CREM: variants seen among roughly 807,000 people sequenced by gnomAD.
The protein encoded by CREM is cAMP-responsive element modulator.
Under a neutral mutation model 37.3 loss-of-function variants are expected in CREM, and 13 were observed. The ratio of observed to expected loss-of-function variants is 0.35; its 90% CI spans 0.23 to 0.55. The LOEUF is 0.55. Among genes scored for constraint, CREM ranks in the 20% least tolerant of loss-of-function variants. The pLI is 0.88. For missense variants in CREM, 296 were observed against 362.3 expected (o/e 0.82, Z 1.49); for synonymous variants, 124 against 120.2 (o/e 1.03, Z -0.21).
chr10:35,145,799 A>T (rs1051162617), intron 2 of CREM, among the ~76,000 whole-genome samples: 47 of 151,170 alleles, frequency 3.1e-4, no homozygotes, highest in African/African-American at 1.1e-3. Context: ...AAAAAAAAAA[A>T]GAAATTACTT....
chr10:35,201,213 T>C (rs2095372948), intron 6 of CREM, among the ~76,000 whole-genome samples: 1 of 152,172 alleles, frequency 6.6e-6, no homozygotes, highest in Non-Finnish European at 1.5e-5. Context: ...ATTCCCTGGG[T>C]TTGTCAGAAG....
intron 6 of CREM, among the ~76,000 whole-genome samples, chr10:35,189,697 G>C (rs2133789022): frequency 6.6e-6 from 1 of 152,174 alleles, no homozygotes; most frequent in Non-Finnish European, 1.5e-5. Flanking sequence ...TTGTATTTTA[G>C]TAGAGACGGG....
chr10:35,203,363 C>T (rs148707264), intron 6 of CREM, among the ~76,000 whole-genome samples: 418 of 152,262 alleles, frequency 2.7e-3, no homozygotes, highest in Non-Finnish European at 4.6e-3. Flanking sequence ...TCATTGTTCA[C>T]CTGTGACTAT....
intron 3 of CREM, among the ~76,000 whole-genome samples, chr10:35,155,681 T>G (rs772001890): frequency 7.3e-5 from 11 of 151,664 alleles, no homozygotes; most frequent in Non-Finnish European, 1.5e-4. Context: ...TAGGCTGGAG[T>G]GCAGTGGCAC....
chr10:35,127,287 T>G (rs1278795153), intron 1 of CREM, 94 bp downstream of exon 1: 1 of 151,670 alleles, frequency 6.6e-6, no homozygotes, highest in Non-Finnish European at 1.5e-5. Context: ...CGGAGCCGGG[T>G]GCGGTGGAGC....
chr10:35,201,564 A>AG, intron 6 of CREM: 2 of 1,539,276 alleles, frequency 1.3e-6, no homozygotes. Context: ...AAGCTTGCAA[A>AG]GAGAGATATG....
In CREM at chr10:35,151,759, C is replaced by T. The variant is rs182483499; in HGVS notation, c.168+3268C>T. ...AGAGATTAAGAAGTAATCTGTATGCCGACTTATGGATTATTTTAGTTAACT... is the reference window on the plus strand; with the variant it reads ...AGAGATTAAGAAGTAATCTGTATGCTGACTTATGGATTATTTTAGTTAACT... On this transcript the variant is annotated intron_variant, in intron 3 of 7. Coordinates refer to ENST00000685392, the MANE Select transcript of CREM (RefSeq NM_183011.2). Among the ~76,000 whole-genome samples, 11 of 152,154 alleles carry T rather than the reference C, an allele frequency of 7.2e-5. No homozygotes were observed. In the East Asian group the frequency reaches 1.5e-3, roughly 21 times the overall value.
chr10:35,193,624 T>C (rs2095013538), intron 6 of CREM, among the ~76,000 whole-genome samples: 1 of 152,178 alleles, frequency 6.6e-6, no homozygotes, highest in South Asian at 2.1e-4. Flanking sequence ...ATTGAAACCC[T>C]AACCCCATTG....
intron 3 of CREM, among the ~76,000 whole-genome samples, chr10:35,161,363 C>T (rs2136391640): frequency 6.6e-6 from 1 of 151,962 alleles, no homozygotes; most frequent in East Asian, 2.0e-4. Context: ...GATGTGGTGG[C>T]AGGCGCCTGT....
Position 35,134,133 on chromosome 10 carries a change from G to T in CREM, c.-54-3649G>T, listed in dbSNP as rs542100635. ...GCTATCTCGGCTCACTGCAATTTCCGCCTCCTGAGTTCAAGTGATTCTCTT... is the reference window on the plus strand; with the variant it reads ...GCTATCTCGGCTCACTGCAATTTCCTCCTCCTGAGTTCAAGTGATTCTCTT... On this transcript the variant is annotated intron_variant, in intron 1 of 7. Transcript: ENST00000685392. 9.4e-5 allele frequency among the ~76,000 whole-genome samples: 14 copies of T among 148,500 alleles called. No individual in the cohort carries two copies. In the South Asian group the frequency reaches 1.3e-3, roughly 13 times the overall value.
In CREM at chr10:35,193,583, T is replaced by G. The variant is rs957665964; in HGVS notation, c.598+5195T>G. ...TTGATGTCTAGGTGACCATCCAGGGTTCCTTACTCAGCCAAGATATCTTCA... is the reference window on the plus strand; with the variant it reads ...TTGATGTCTAGGTGACCATCCAGGGGTCCTTACTCAGCCAAGATATCTTCA... On this transcript the variant is annotated intron_variant, in intron 6 of 7. Transcript: ENST00000685392. Among the ~76,000 whole-genome samples the G allele has an allele frequency of 3.3e-5, 5 of 152,180 alleles. No homozygotes were observed. In the South Asian group the frequency reaches 1.0e-3, roughly 32 times the overall value.
At chr10:35,157,133 A>G (rs2092963188) in intron 3 of CREM, among the ~76,000 whole-genome samples, 1 of 152,240 alleles carries the variant, frequency 6.6e-6, no homozygotes, top group South Asian at 2.1e-4. Flanking sequence ...AACAGAATGA[A>G]GGAAAAAGAC....
intron 3 of CREM, among the ~76,000 whole-genome samples, chr10:35,166,216 T>G (rs1232509803): frequency 6.6e-6 from 1 of 152,112 alleles, no homozygotes; most frequent in Non-Finnish European, 1.5e-5. Context: ...AGGTAAAATT[T>G]AAATGCATTG....
chr10:35,141,574 G>A (rs1343073973), intron 2 of CREM, among the ~76,000 whole-genome samples: 1 of 152,158 alleles, frequency 6.6e-6, no homozygotes, highest in African/African-American at 2.4e-5. Flanking sequence ...GAAAGTTTGT[G>A]GAGGAAGAAG....
chr10:35,189,525 T>C (rs1178271550), intron 6 of CREM, among the ~76,000 whole-genome samples: 2 of 152,142 alleles, frequency 1.3e-5, no homozygotes, highest in Non-Finnish European at 2.9e-5. Context: ...TATTTATTTA[T>C]TTATTTTTGA....
chr10:35,161,346 A>C (rs538394199), intron 3 of CREM, among the ~76,000 whole-genome samples: 4 of 151,924 alleles, frequency 2.6e-5, no homozygotes, highest in Non-Finnish European at 5.9e-5. Context: ...AAATACAAAA[A>C]TAAGCAGATG....
In CREM at chr10:35,194,097, C is replaced by CAAA. The variant is rs371978117; in HGVS notation, c.598+5734_598+5736dup. Among the ~76,000 whole-genome samples, 162 of 25,054 alleles carry CAAA rather than the reference C, an allele frequency of 6.5e-3. 15 individuals are homozygous for CAAA. The highest frequency in any genetic ancestry group is 0.059 in the Middle Eastern group (2 of 34). 16.4% of individuals were successfully genotyped at this position (25,054 alleles called of 152,430 possible). A position where few individuals can be genotyped will look rare whatever the true frequency, so the allele number is the denominator to read the frequency against. On this transcript the variant is annotated intron_variant, in intron 6 of 7. Coordinates refer to ENST00000685392, the MANE Select transcript of CREM (RefSeq NM_183011.2). ...GGGGGAGAATAGCGAGACTTCATCT[C>CAAA]AAAAAAAAAAAAAAAAAAAAAAAAA...
Position 35,179,342 on chromosome 10 carries a change from A to G in CREM, c.409+66A>G, listed in dbSNP as rs199936737. The G allele has an allele frequency of 1.0e-4, 161 of 1,555,942 alleles. 1 individual carries two copies. Among genetic ancestry groups the G allele is most frequent in the African/African-American group, 9.5e-4 (70 of 73,650 alleles). On this transcript the variant is annotated intron_variant, in intron 5 of 7. Coordinates refer to ENST00000685392, the MANE Select transcript of CREM (RefSeq NM_183011.2). ...AAGTCTTCTCTAGTTATATTGAAGC[A>G]ACTCAGGTTTTGGCATTAAATTGTT...
At chr10:35,181,879 CAACA>C (rs751873805) in intron 5 of CREM, among the ~76,000 whole-genome samples, 18 of 152,074 alleles carry the variant, frequency 1.2e-4, no homozygotes, top group South Asian at 2.1e-4. Flanking sequence ...TGTCTCAAAA[CAACA>C]AACAAAAAAA....
Sources: allele counts gnomAD v4.1 joint callset (sites outside exome capture counted in the v4.1 genomes callset), GRCh38; gene constraint gnomAD v4.1.1; transcripts MANE v1.5; gene names NCBI Gene and HGNC (gene_info 2026-07-23, HGNC 2026-07-21).